The following SGCZ variants were observed in gnomAD, a reference collection of about 807,000 sequenced individuals.
The protein encoded by SGCZ is zeta-sarcoglycan.
SGCZ carries 40 observed loss-of-function variants against 41.3 expected under a neutral mutation model. That is an observed-to-expected ratio of 0.97 (90% CI 0.75 to 1.26). The LOEUF (loss-of-function observed/expected upper bound fraction) is 1.26, where lower values mean the gene tolerates loss of function less well. SGCZ is among the 50% of genes most tolerant of loss of function. The pLI is 0.00. For synonymous variants in SGCZ, 206 were observed against 137.5 expected (o/e 1.50, Z -3.49); for missense variants, 552 against 369.8 (o/e 1.49, Z -4.04).
chr8:14,862,787 G>C (rs572114403), intron 1 of SGCZ, among the ~76,000 whole-genome samples: 1 of 151,730 alleles, frequency 6.6e-6, no homozygotes, highest in East Asian at 1.9e-4. Flanking sequence ...AGGTGTATGA[G>C]CAGAGAGAAA....
chr8:14,087,225 A>G lies in SGCZ; in HGVS notation c.*3218T>C, dbSNP rs1297765418. Among the ~76,000 whole-genome samples, 2 of 151,692 alleles carry G rather than the reference A, an allele frequency of 1.3e-5. No individual in the cohort carries two copies. The highest frequency in any genetic ancestry group is 4.8e-5 in the African/African-American group (2 of 41,398). On this transcript the variant is annotated 3_prime_UTR_variant, in exon 8 of 8. Transcript: ENST00000382080. ...AATGTGTGTATGTGTGTGTATGACTAATAAGTAAGTACCGGATAGAAATTT... is the reference window on the plus strand; with the variant it reads ...AATGTGTGTATGTGTGTGTATGACTGATAAGTAAGTACCGGATAGAAATTT...
chr8:14,279,727 A>G (rs1326396659), intron 3 of SGCZ, among the ~76,000 whole-genome samples: 3 of 152,050 alleles, frequency 2.0e-5, no homozygotes, highest in Non-Finnish European at 4.4e-5. Flanking sequence ...AGCAAATTCC[A>G]GCCTCTAAAA....
At chr8:15,021,781 G>C (rs1803257895) in intron 1 of SGCZ, among the ~76,000 whole-genome samples, 1 of 152,048 alleles carries the variant, frequency 6.6e-6, no homozygotes, top group Non-Finnish European at 1.5e-5. Flanking sequence ...GTCTATATTT[G>C]TTATTGTTAT....
chr8:14,251,121 G>A (rs9325702), intron 3 of SGCZ, among the ~76,000 whole-genome samples: 101,418 of 151,922 alleles, frequency 0.67, 34,243 homozygotes, highest in South Asian at 0.78. Flanking sequence ...CCAGCTACTC[G>A]GGAGGCCAAG....
chr8:14,193,294 A>G (rs1238877745), intron 4 of SGCZ, among the ~76,000 whole-genome samples: 2 of 150,892 alleles, frequency 1.3e-5, no homozygotes, highest in African/African-American at 4.9e-5. Context: ...AGGCAAGCAC[A>G]AATCATCATC....
chr8:14,600,058 C>A (rs1418987275), intron 1 of SGCZ, among the ~76,000 whole-genome samples: 2 of 152,124 alleles, frequency 1.3e-5, no homozygotes, highest in Non-Finnish European at 1.5e-5. Flanking sequence ...ATTCAAAAGT[C>A]ATCAATAATT....
At chr8:15,194,537 T>C (rs1800656105) in intron 1 of SGCZ, among the ~76,000 whole-genome samples, 2 of 152,268 alleles carry the variant, frequency 1.3e-5, no homozygotes, top group South Asian at 4.1e-4. Flanking sequence ...GTGGGGAAAT[T>C]ATCGTGGATT....
intron 1 of SGCZ, among the ~76,000 whole-genome samples, chr8:14,787,017 C>G (rs12155570): frequency 0.35 from 53,120 of 151,862 alleles, 11,356 homozygotes; most frequent in East Asian, 0.5. Context: ...TTCCTACAAG[C>G]TCACTGTGAA....
intron 1 of SGCZ, among the ~76,000 whole-genome samples, chr8:15,209,003 A>T (rs1463302582): frequency 6.6e-6 from 1 of 152,000 alleles, no homozygotes; most frequent in Non-Finnish European, 1.5e-5. Flanking sequence ...TGAGTTCTTC[A>T]GAGTGGTGTG....
Position 14,139,501 on chromosome 8 carries a change from G to A in SGCZ, c.547+25079C>T, listed in dbSNP as rs190739383. Among the ~76,000 whole-genome samples, 221 of 152,214 alleles carry A rather than the reference G, an allele frequency of 1.5e-3. 1 individual carries two copies. Among genetic ancestry groups the A allele is most frequent in the African/African-American group, 4.7e-3 (195 of 41,538 alleles). ...CATAGATGCAATAAAAAATGATAAA[G>A]GGGATATCACCACTGATCGCACAGT... On this transcript the variant is annotated intron_variant, in intron 5 of 7. Coordinates refer to ENST00000382080, the MANE Select transcript of SGCZ (RefSeq NM_139167.4).
At chr8:14,555,440 C>T (rs1261474145) in intron 1 of SGCZ, among the ~76,000 whole-genome samples, 1 of 151,994 alleles carries the variant, frequency 6.6e-6, no homozygotes, top group Non-Finnish European at 1.5e-5. Flanking sequence ...CTCCCCACTC[C>T]CTCTTGGACC....
At chr8:14,883,479 GA>G (rs1281499680) in intron 1 of SGCZ, among the ~76,000 whole-genome samples, 1 of 151,608 alleles carries the variant, frequency 6.6e-6, no homozygotes, top group Admixed American at 6.6e-5. Flanking sequence ...AAAAAAGGAA[GA>G]AAAAAAACTA....
intron 1 of SGCZ, among the ~76,000 whole-genome samples, chr8:15,140,040 A>C (rs1318701958): frequency 6.6e-6 from 1 of 151,580 alleles, no homozygotes; most frequent in Non-Finnish European, 1.5e-5. Flanking sequence ...TTTTATTTTG[A>C]GACAGGGTCT....
At chr8:14,753,827 G>GACA (rs1799572199) in intron 1 of SGCZ, among the ~76,000 whole-genome samples, 1 of 152,160 alleles carries the variant, frequency 6.6e-6, no homozygotes. Flanking sequence ...GCCCAGGGTG[G>GACA]ACAACTTTCA....
chr8:14,859,635 G>A (rs1803654512), intron 1 of SGCZ, among the ~76,000 whole-genome samples: 2 of 151,910 alleles, frequency 1.3e-5, no homozygotes, highest in African/African-American at 4.8e-5. Context: ...CCAAACCTTT[G>A]GCTCCCAACA....
chr8:14,312,996 A>C (rs1472106819), intron 3 of SGCZ, among the ~76,000 whole-genome samples: 1 of 152,164 alleles, frequency 6.6e-6, no homozygotes, highest in Admixed American at 6.6e-5. Context: ...GGAATTTCCC[A>C]GTGGTTAAGG....
intron 5 of SGCZ, among the ~76,000 whole-genome samples, chr8:14,116,701 A>G (rs375182589): frequency 2.0e-5 from 3 of 152,024 alleles, no homozygotes; most frequent in Non-Finnish European, 2.9e-5. Context: ...ATCACTTGCC[A>G]TGTAATTCAT....
intron 5 of SGCZ, among the ~76,000 whole-genome samples, chr8:14,157,942 G>A (rs1370655816): frequency 6.6e-6 from 1 of 152,190 alleles, no homozygotes; most frequent in African/African-American, 2.4e-5. Flanking sequence ...AGAACTTTGG[G>A]AGGCCAAGGT....
chr8:14,171,864 C>G (rs1484386087), intron 4 of SGCZ, among the ~76,000 whole-genome samples: 1 of 152,006 alleles, frequency 6.6e-6, no homozygotes, highest in Non-Finnish European at 1.5e-5. Flanking sequence ...TTAGTGGAAA[C>G]ATGCTTTTAG....
Sources: gnomAD v4.1 joint callset for allele counts (sites outside exome capture counted in the v4.1 genomes callset) on GRCh38, gnomAD v4.1.1 for gene constraint, MANE v1.5 for transcripts, NCBI Gene and HGNC (gene_info 2026-07-23, HGNC 2026-07-21) for gene names.